The following PTPN4 variants were observed in gnomAD, a reference collection of about 807,000 sequenced individuals.
PTPN4 encodes protein tyrosine phosphatase non-receptor type 4, also known as tyrosine-protein phosphatase non-receptor type 4.
In PTPN4, 49 loss-of-function variants were observed where a neutral mutation model predicts 135.5. That is an observed-to-expected ratio of 0.36 (90% CI 0.29 to 0.46). PTPN4 has a LOEUF of 0.46. Ranked by LOEUF, PTPN4 falls within the 20% of genes least tolerant of loss-of-function variation. The pLI is 1.00. For missense variants in PTPN4, 860 were observed against 1,101.0 expected (o/e 0.78, Z 3.10); for synonymous variants, 333 against 369.9 (o/e 0.90, Z 1.14).
intron 10 of PTPN4, among the ~76,000 whole-genome samples, chr2:119,908,641 A>G (rs1678524060): frequency 6.6e-6 from 1 of 152,142 alleles, no homozygotes; most frequent in African/African-American, 2.4e-5. Flanking sequence ...AATTAGACCA[A>G]TTAATAACCC....
At chr2:119,875,557 G>T (rs757113723) in intron 3 of PTPN4, among the ~76,000 whole-genome samples, 1 of 152,146 alleles carries the variant, frequency 6.6e-6, no homozygotes, top group Non-Finnish European at 1.5e-5. Context: ...TGGGAAGGTG[G>T]ATAAATGGTA....
chr2:119,960,612 A>G (rs1250148721), intron 22 of PTPN4, among the ~76,000 whole-genome samples, 195 bp from the exon 23 acceptor site: 2 of 152,230 alleles, frequency 1.3e-5, no homozygotes, highest in African/African-American at 2.4e-5. Flanking sequence ...AGATAAATAC[A>G]TGTAACTGTT....
At chr2:119,798,668 C>T (rs1251656246) in intron 1 of PTPN4, among the ~76,000 whole-genome samples, 3 of 152,006 alleles carry the variant, frequency 2.0e-5, no homozygotes, top group Non-Finnish European at 2.9e-5. Context: ...TATTTGATAC[C>T]TTGGTAACTA....
intron 1 of PTPN4, among the ~76,000 whole-genome samples, chr2:119,779,566 G>T (rs868217558): frequency 2.0e-5 from 3 of 149,934 alleles, no homozygotes; most frequent in Admixed American, 6.6e-5. Context: ...GCAGTGAGCC[G>T]AGATTGTGCC....
At chr2:119,965,708 G>A in intron 25 of PTPN4, 63 bp downstream of exon 25, 3 of 1,524,906 alleles carry the variant, frequency 2.0e-6, no homozygotes, top group South Asian at 2.6e-5. Flanking sequence ...TTAAAAGAGA[G>A]TACATATTTT....
intron 26 of PTPN4, among the ~76,000 whole-genome samples, chr2:119,968,997 A>G (rs1322647490): frequency 2.0e-5 from 3 of 152,094 alleles, no homozygotes; most frequent in Admixed American, 1.3e-4. Flanking sequence ...AAATTGACCT[A>G]TGTGATCCAG....
At chr2:119,885,348 G>A (rs926867097) in intron 8 of PTPN4, among the ~76,000 whole-genome samples, 1 of 152,088 alleles carries the variant, frequency 6.6e-6, no homozygotes, top group African/African-American at 2.4e-5. Context: ...CCAACACTCA[G>A]GTTCCATACT....
In PTPN4 at chr2:119,978,363, C is replaced by T. The variant is rs1373187053; in HGVS notation, c.*1293C>T. 2.6e-5 allele frequency: 4 copies of T among 152,012 alleles called. No homozygotes were observed. Among genetic ancestry groups the T allele is most frequent in the South Asian group, 2.1e-4 (1 of 4,832 alleles). 9.4% of individuals were successfully genotyped at this position (152,012 alleles called of 1,614,324 possible). A position where few individuals can be genotyped will look rare whatever the true frequency, so the allele number is the denominator to read the frequency against. ...GATATATTGATTGGGATTCTTCAAA[C>T]GAAGAATGAAACATTATTGACTTAT... On this transcript the variant is annotated 3_prime_UTR_variant, in exon 27 of 27. Transcript: ENST00000263708.
intron 2 of PTPN4, among the ~76,000 whole-genome samples, chr2:119,856,093 C>T (rs974356954): frequency 1.1e-4 from 17 of 152,212 alleles, no homozygotes; most frequent in African/African-American, 3.1e-4. Flanking sequence ...CATGAGCCAC[C>T]GCGCCCAGCC....
chr2:119,806,510 T>G (rs1388815589), intron 1 of PTPN4, among the ~76,000 whole-genome samples: 1 of 152,080 alleles, frequency 6.6e-6, no homozygotes, highest in Non-Finnish European at 1.5e-5. Context: ...AGGGATCAAT[T>G]CAACAAGAAG....
intron 1 of PTPN4, among the ~76,000 whole-genome samples, chr2:119,764,809 A>G (rs1458598484): frequency 2.6e-5 from 4 of 152,346 alleles, no homozygotes; most frequent in Middle Eastern, 6.8e-3. Flanking sequence ...AAATACTGTA[A>G]CAACGTTTAC....
At chr2:119,915,154 G>A (rs1373495224) in intron 10 of PTPN4, 25 bp from the exon 11 acceptor site, 3 of 1,482,708 alleles carry the variant, frequency 2.0e-6, no homozygotes, top group Non-Finnish European at 9.0e-7. Context: ...TCAATACTTT[G>A]AATAATTTAT....
In PTPN4 at chr2:119,920,165, C is replaced by T. The variant is rs777647220; in HGVS notation, c.925C>T (p.Arg309Cys). The T allele has an allele frequency of 1.5e-5, 25 of 1,613,212 alleles. No homozygotes were observed. Among genetic ancestry groups the T allele is most frequent in the South Asian group, 4.4e-5 (4 of 90,896 alleles). The change falls in exon 12 of 27, where the codon CGT becomes TGT. Residue 309 changes from arginine to cysteine, a missense_variant. By Grantham distance (180) the Arg-to-Cys change is radical. Transcript: ENST00000263708. Reference protein sequence around the residue: ...KACVEHHTFFRLDRPLPPQKN... With the variant: ...KACVEHHTFFCLDRPLPPQKN... ...ATGTGTAGAACATCACACATTCTTC[C>T]GTTTGGACAGACCACTTCCACCTCA...
At chr2:119,906,128 TAG>T (rs1218510094) in intron 10 of PTPN4, among the ~76,000 whole-genome samples, 1 of 152,126 alleles carries the variant, frequency 6.6e-6, no homozygotes, top group Admixed American at 6.5e-5. Flanking sequence ...CTAAATCAAG[TAG>T]AGACTGTAAA....
intron 1 of PTPN4, among the ~76,000 whole-genome samples, chr2:119,780,847 C>G (rs1690924699): frequency 6.6e-6 from 1 of 152,170 alleles, no homozygotes; most frequent in Admixed American, 6.5e-5. Context: ...CCCAACAACT[C>G]TCACCCAGTG....
intron 10 of PTPN4, among the ~76,000 whole-genome samples, chr2:119,908,483 T>C (rs771911370): frequency 1.3e-5 from 2 of 152,164 alleles, no homozygotes; most frequent in African/African-American, 2.4e-5. Flanking sequence ...TATAATTGTT[T>C]TGGCATGCCA....
intron 2 of PTPN4, among the ~76,000 whole-genome samples, chr2:119,826,417 T>G (rs1258150037): frequency 6.6e-6 from 1 of 152,196 alleles, no homozygotes; most frequent in South Asian, 2.1e-4. Flanking sequence ...AACTATAAAC[T>G]CTAAAGGAAC....
intron 2 of PTPN4, among the ~76,000 whole-genome samples, chr2:119,828,323 C>A (rs571789008): frequency 2.0e-5 from 3 of 152,330 alleles, no homozygotes; most frequent in African/African-American, 7.2e-5. Context: ...GCCCAGTCAA[C>A]CCACAGAACC....
At position 119,965,515 on chromosome 2, in the gene PTPN4, C is replaced by G; in HGVS notation, c.2428C>G (p.Leu810Val). ...TTCTTAGAAAAATGAAAGTCGTCCA[C>G]TCACTCAGATCCAGTACATAGCCTG... ...FNQEKNESRP[L>V]TQIQYIAWPD... The change falls in exon 25 of 27, where the codon CTC becomes GTC. Residue 810 changes from leucine (L) to valine (V), a missense_variant. By Grantham distance (32) the Leu-to-Val change is conservative. Transcript: ENST00000263708. 1 of 1,602,822 alleles carries G rather than the reference C, an allele frequency of 6.2e-7. No homozygotes were observed. The highest frequency in any genetic ancestry group is 8.5e-7 in the Non-Finnish European group (1 of 1,176,842).
Sources: gnomAD v4.1 joint callset for allele counts (sites outside exome capture counted in the v4.1 genomes callset) on GRCh38, gnomAD v4.1.1 for gene constraint, MANE v1.5 for transcripts, NCBI Gene and HGNC (gene_info 2026-07-23, HGNC 2026-07-21) for gene names.